ARHGAP28: variants seen among roughly 807,000 people sequenced by gnomAD.
ARHGAP28 encodes the protein Rho GTPase activating protein 28.
ARHGAP28 carries 56 observed loss-of-function variants against 90.7 expected under a neutral mutation model. The observed-to-expected ratio is 0.62, with a 90% CI of 0.50 to 0.77. The LOEUF (loss-of-function observed/expected upper bound fraction) is 0.77. Among genes scored for constraint, ARHGAP28 ranks in the 30% least tolerant of loss-of-function variants. The pLI is 0.00. For synonymous variants in ARHGAP28, 308 were observed against 323.3 expected, an observed-to-expected ratio of 0.95 and a Z score of 0.51; for missense variants, 869 against 900.9, an observed-to-expected ratio of 0.96 and a Z score of 0.45.
chr18:6,760,127 C>T (rs2056146880), intron 1 of ARHGAP28, among the ~76,000 whole-genome samples: 1 of 152,186 alleles, frequency 6.6e-6, no homozygotes, highest in Non-Finnish European at 1.5e-5. Flanking sequence ...CACACACACA[C>T]AAACTACATG....
intron 5 of ARHGAP28, among the ~76,000 whole-genome samples, chr18:6,862,974 T>C (rs1026531574): frequency 4.6e-5 from 7 of 152,164 alleles, no homozygotes; most frequent in Non-Finnish European, 1.0e-4. Flanking sequence ...GGTTTTTTTG[T>C]TTCTTATAAG....
chr18:6,781,707 T>C (rs1303004605), intron 1 of ARHGAP28, among the ~76,000 whole-genome samples: 33 of 152,180 alleles, frequency 2.2e-4, no homozygotes, highest in Non-Finnish European at 4.4e-5. Flanking sequence ...TGTGGCATTG[T>C]TCTGGGGGTG....
intron 3 of ARHGAP28, among the ~76,000 whole-genome samples, chr18:6,848,589 G>T (rs1369756338): frequency 1.3e-5 from 2 of 152,184 alleles, no homozygotes; most frequent in African/African-American, 4.8e-5. Flanking sequence ...ATCAGGTAAG[G>T]TAACAGTTGG....
In ARHGAP28 at chr18:6,777,853, A is replaced by C. The variant is rs557863980; in HGVS notation, c.123-46909A>C. 1.1e-3 allele frequency among the ~76,000 whole-genome samples: 162 copies of C among 152,262 alleles called. 1 individual carries two copies. The South Asian group carries it at 0.013, about 13-fold the overall frequency. ...GAGGCTGGGGCTGCTTCAAGTAGAA[A>C]GATATTGACAGAGTATGAAGGAAAA... is the stretch of plus-strand genomic sequence containing the variant. On this transcript the variant is annotated intron_variant, in intron 1 of 17. Coordinates refer to ENST00000383472, the MANE Select transcript of ARHGAP28 (RefSeq NM_001366230.1).
At chr18:6,892,811 A>G (rs930050122) in intron 14 of ARHGAP28, among the ~76,000 whole-genome samples, 15 of 152,218 alleles carry the variant, frequency 9.9e-5, no homozygotes, top group African/African-American at 3.6e-4. Flanking sequence ...TCTGGAACTG[A>G]AAAACCTCCC....
At chr18:6,733,143 A>G (rs2055896943) in intron 1 of ARHGAP28, among the ~76,000 whole-genome samples, 1 of 152,210 alleles carries the variant, frequency 6.6e-6, no homozygotes, top group Non-Finnish European at 1.5e-5. Flanking sequence ...ACATAAATGC[A>G]CTGGCCTTTA....
At chr18:6,782,518 A>G (rs548609402) in intron 1 of ARHGAP28, among the ~76,000 whole-genome samples, 132 of 149,270 alleles carry the variant, frequency 8.8e-4, no homozygotes, top group African/African-American at 3.1e-3. Context: ...CCTGCATTCA[A>G]GTGATTCTCA....
intron 1 of ARHGAP28, among the ~76,000 whole-genome samples, chr18:6,801,842 A>G (rs1567952304): frequency 6.6e-6 from 1 of 152,090 alleles, no homozygotes; most frequent in Non-Finnish European, 1.5e-5. Flanking sequence ...CACCTTACTG[A>G]TCTATCAAAC....
intron 1 of ARHGAP28, among the ~76,000 whole-genome samples, chr18:6,735,464 G>A (rs1241562311): frequency 1.3e-5 from 2 of 151,976 alleles, no homozygotes; most frequent in Admixed American, 6.6e-5. Flanking sequence ...TGTCTTTCAT[G>A]ACACTTTTTG....
intron 1 of ARHGAP28, among the ~76,000 whole-genome samples, chr18:6,775,543 G>A (rs938636269): frequency 1.3e-5 from 2 of 152,090 alleles, no homozygotes; most frequent in South Asian, 2.1e-4. Context: ...TTTTACCTCC[G>A]ATTTCAGGTG....
intron 1 of ARHGAP28, among the ~76,000 whole-genome samples, chr18:6,737,625 C>G (rs528793756): frequency 6.6e-6 from 1 of 152,134 alleles, no homozygotes; most frequent in Middle Eastern, 3.4e-3. Flanking sequence ...AGCTTGTTTG[C>G]TTTTTGTCTC....
intron 1 of ARHGAP28, among the ~76,000 whole-genome samples, chr18:6,735,400 C>T (rs2055916642): frequency 6.6e-6 from 1 of 152,148 alleles, no homozygotes; most frequent in South Asian, 2.1e-4. Flanking sequence ...TGTGGGACTC[C>T]ACACTGAATT....
At chr18:6,796,067 A>C (rs528651701) in intron 1 of ARHGAP28, among the ~76,000 whole-genome samples, 24 of 152,364 alleles carry the variant, frequency 1.6e-4, no homozygotes, top group Non-Finnish European at 3.4e-4. Flanking sequence ...AACAAAATGT[A>C]GAGCAACATA....
chr18:6,738,842 A>G (rs2143159192), intron 1 of ARHGAP28, among the ~76,000 whole-genome samples: 1 of 152,356 alleles, frequency 6.6e-6, no homozygotes, highest in East Asian at 1.9e-4. Flanking sequence ...TTCCTCGACA[A>G]CTGTAGCCAG....
chr18:6,845,668 T>G (rs1373418172), intron 3 of ARHGAP28, among the ~76,000 whole-genome samples: 3 of 152,220 alleles, frequency 2.0e-5, no homozygotes, highest in African/African-American at 7.2e-5. Flanking sequence ...AGTGAGAACA[T>G]GCAGTGTTTG....
chr18:6,837,199 G>A lies in ARHGAP28; in HGVS notation c.328G>A (p.Gly110Arg), dbSNP rs2056760346. 1.3e-6 allele frequency: 2 copies of A among 1,545,924 alleles called. No homozygotes were observed. The highest frequency in any genetic ancestry group is 2.4e-5 in the South Asian group (2 of 84,310). The part of the protein sequence containing the change: ...PPAEVTPVDE[G>R]ELEAEWLQDV... Reference sequence around the variant, plus strand: ...CTCTTGGTAATGTTCTTTCACAGAAGGAGAACTTGAAGCAGAATGGCTGCA... The same window carrying A: ...CTCTTGGTAATGTTCTTTCACAGAAAGAGAACTTGAAGCAGAATGGCTGCA... The change falls in exon 3 of 18, where the codon GGA (glycine) becomes AGA (arginine). Residue 110 changes from glycine (G) to arginine (R), a missense_variant and splice_region_variant. Transcript: ENST00000383472.
chr18:6,806,128 A>C (rs543595870), intron 1 of ARHGAP28, among the ~76,000 whole-genome samples: 1 of 152,196 alleles, frequency 6.6e-6, no homozygotes, highest in Non-Finnish European at 1.5e-5. Context: ...TCCTGAGCTC[A>C]GGCAGTCCGC....
chr18:6,733,217 A>T (rs1025717150), intron 1 of ARHGAP28, among the ~76,000 whole-genome samples: 1 of 152,178 alleles, frequency 6.6e-6, no homozygotes, highest in African/African-American at 2.4e-5. Context: ...GAATCCTCAG[A>T]TTTAAGTTCT....
intron 14 of ARHGAP28, 28 bp downstream of exon 14, chr18:6,890,571 T>A: frequency 7.0e-7 from 1 of 1,434,294 alleles, no homozygotes; most frequent in Non-Finnish European, 9.7e-7. Flanking sequence ...GCATGGCGAT[T>A]GTCCACTGCC....
Sources: gnomAD v4.1 joint callset for allele counts (sites outside exome capture counted in the v4.1 genomes callset) on GRCh38, gnomAD v4.1.1 for gene constraint, MANE v1.5 for transcripts, NCBI Gene and HGNC (gene_info 2026-07-23, HGNC 2026-07-21) for gene names.